KCNH6: variants seen among roughly 807,000 people sequenced by gnomAD.
The protein encoded by KCNH6 is voltage-gated inwardly rectifying potassium channel KCNH6.
A neutral mutation model predicts 83.4 loss-of-function variants in KCNH6; 81 were observed. The observed-to-expected ratio is 0.97, with a 90% confidence interval of 0.81 to 1.17. The LOEUF is 1.17. KCNH6 is among the 50% of genes most tolerant of loss of function. The probability of loss-of-function intolerance (pLI) is 0.00; values close to 1 mark genes in which losing one functional copy is unlikely to be tolerated. For synonymous variants in KCNH6, 503 were observed against 545.6 expected, an observed-to-expected ratio of 0.92 and a Z score of 1.09; for missense variants, 1,203 against 1,290.5, an observed-to-expected ratio of 0.93 and a Z score of 1.04.
rs1302706942 is a variant in KCNH6 at position 63,533,806 on chromosome 17, T to C, written c.676-80T>C. ...TCACCCACCCTCTCCCACTACACCTTCCCCAGGCCTCAGCCCTCTAGGCCA... is the reference window on the plus strand; with the variant it reads ...TCACCCACCCTCTCCCACTACACCTCCCCCAGGCCTCAGCCCTCTAGGCCA... On this transcript the variant is annotated intron_variant, in intron 4 of 12. Coordinates refer to ENST00000314672, the MANE Select transcript of KCNH6 (RefSeq NM_001278919.2). This position sits in a 1 kb window ranked among gnomAD's most constrained non-coding sequence, Gnocchi z 4.1. The C allele has an allele frequency of 7.2e-7, 1 of 1,387,354 alleles. No individual in the cohort carries two copies. Among genetic ancestry groups the C allele is most frequent in the Non-Finnish European group, 9.9e-7 (1 of 1,008,632 alleles). 85.9% of individuals were successfully genotyped at this position (1,387,354 alleles called of 1,614,324 possible).
In KCNH6 at chr17:63,545,663, C is replaced by A. The variant is rs2033109511; in HGVS notation, c.2638C>A (p.Pro880Thr). The A allele has an allele frequency of 6.2e-7, 1 of 1,613,930 alleles. No individual in the cohort carries two copies. Among genetic ancestry groups the A allele is most frequent in the South Asian group, 1.1e-5 (1 of 91,094 alleles). The change falls in exon 13 of 13, where the codon CCC becomes ACC. Residue 880 changes from proline to threonine, a missense_variant. Transcript: ENST00000314672. ...TAGTCCAAAGCACAGGAACTCCTCC[C>A]CCAGGATGCCTCACCTGGCTGTGGC... ...DCSPKHRNSS[P>T]RMPHLAVATD...
rs150426805 is a variant in KCNH6 at position 63,532,932 on chromosome 17, A to C, written c.676-954A>C. Reference sequence around the variant, plus strand: ...TCACTAACTACATGAGAAGAGATGCATCTCATTTCCTCACTACCCATGGCT... The same window carrying C: ...TCACTAACTACATGAGAAGAGATGCCTCTCATTTCCTCACTACCCATGGCT... On this transcript the variant is annotated intron_variant, in intron 4 of 12. Coordinates refer to ENST00000314672, the MANE Select transcript of KCNH6 (RefSeq NM_001278919.2). Among the ~76,000 whole-genome samples, 741 of 152,300 alleles carry C rather than the reference A, an allele frequency of 4.9e-3. 5 individuals are homozygous for C. The highest frequency in any genetic ancestry group is 0.017 in the African/African-American group (693 of 41,562).
chr17:63,529,455 T>C (rs2031934711), intron 2 of KCNH6, among the ~76,000 whole-genome samples: 1 of 152,206 alleles, frequency 6.6e-6, no homozygotes, highest in Non-Finnish European at 1.5e-5. Context: ...CCTTCCCTTT[T>C]CCAAGCTATT....
chr17:63,542,181 AC>A (rs1416205062), intron 8 of KCNH6, 59 bp from the exon 9 acceptor site: 19 of 1,564,754 alleles, frequency 1.2e-5, no homozygotes, highest in Non-Finnish European at 1.3e-5. Context: ...CGGTCAAAGG[AC>A]CCTCATAAGG....
Position 63,535,588 on chromosome 17 carries a change from G to A in KCNH6, c.1102-81G>A. ...TTGTTGAATGAGTATGTGGTTGTATGCATGAGTGAACAAAAGCAGGCCTGA... is the reference window on the plus strand; with the variant it reads ...TTGTTGAATGAGTATGTGGTTGTATACATGAGTGAACAAAAGCAGGCCTGA... On this transcript the variant is annotated intron_variant, in intron 5 of 12. Coordinates refer to ENST00000314672, the MANE Select transcript of KCNH6 (RefSeq NM_001278919.2). The surrounding 1 kb of genome is among the most constrained non-coding windows in gnomAD (Gnocchi z 4.9). 2 of 1,319,974 alleles carry A rather than the reference G, an allele frequency of 1.5e-6. No individual in the cohort carries two copies. Among genetic ancestry groups the A allele is most frequent in the South Asian group, 2.8e-5 (2 of 72,126 alleles). The allele number at this position is 1,319,974 out of a possible 1,614,324, so 81.8% of individuals were successfully genotyped here. A position where few individuals can be genotyped will look rare whatever the true frequency, so the allele number is the denominator to read the frequency against.
At chr17:63,529,286 C>T (rs561702676) in intron 2 of KCNH6, among the ~76,000 whole-genome samples, 1 of 152,308 alleles carries the variant, frequency 6.6e-6, no homozygotes, top group Non-Finnish European at 1.5e-5. Flanking sequence ...GCCAGAGGGG[C>T]CTGCCCTGCC....
rs1455493906 is a variant in KCNH6 at position 63,538,267 on chromosome 17, G to A, written c.1701+3G>A. ...CCAATGGCATTGACATGAACGCGGT[G>A]AGCCCCGCCGCTCCGGCTAATGCCC... is the stretch of plus-strand genomic sequence containing the variant. On this transcript the variant is annotated splice_donor_region_variant and intron_variant, in intron 7 of 12. Transcript: ENST00000314672. The surrounding 1 kb of genome is among the most constrained non-coding windows in gnomAD (Gnocchi z 4.0). 5 of 1,612,046 alleles carry A rather than the reference G, an allele frequency of 3.1e-6. No homozygotes were observed. The South Asian group carries it at 4.4e-5, about 14-fold the overall frequency.
rs772887501 is a variant in KCNH6 at position 63,523,640 on chromosome 17, TCTC to T, written c.76+156_76+158del. 7.7e-6 allele frequency: 5 copies of T among 651,064 alleles called. No homozygotes were observed. Among genetic ancestry groups the T allele is most frequent in the Non-Finnish European group, 1.0e-5 (4 of 395,370 alleles). 40.3% of individuals were successfully genotyped at this position (651,064 alleles called of 1,614,324 possible). ...CCTTCTTTTGATGTCCCCAACACCT[TCTC>T]CTCCAGGGGGACCCGCTTGCCTTAA... is the stretch of plus-strand genomic sequence containing the variant. On this transcript the variant is annotated intron_variant, in intron 1 of 12. Transcript: ENST00000314672. This position sits in a 1 kb window ranked among gnomAD's most constrained non-coding sequence, Gnocchi z 4.2.
chr17:63,535,738 G>T lies in KCNH6; in HGVS notation c.1171G>T (p.Asp391Tyr). The part of the protein sequence containing the change: ...LRLVRVARKL[D>Y]RYSEYGAAVL... ...GCTGGTGCGCGTAGCACGGAAGCTG[G>T]ACCGCTACTCTGAGTATGGGGCGGC... is the stretch of plus-strand genomic sequence containing the variant. The change falls in exon 6 of 13, where the codon GAC (aspartate) becomes TAC (tyrosine). Residue 391 changes from aspartate to tyrosine, a missense_variant. Transcript: ENST00000314672. This position sits in a 1 kb window ranked among gnomAD's most constrained non-coding sequence, Gnocchi z 4.9. 6.2e-7 allele frequency: 1 copy of T among 1,613,824 alleles called. No individual in the cohort carries two copies. The highest frequency in any genetic ancestry group is 2.2e-5 in the East Asian group (1 of 44,888).
chr17:63,534,173 C>T lies in KCNH6; in HGVS notation c.963C>T (p.Thr321=). 6.2e-7 allele frequency: 1 copy of T among 1,613,976 alleles called. No homozygotes were observed. Residue 321 remains threonine (T), a synonymous_variant, in exon 5 of 13, where the codon ACC becomes ACT. Transcript: ENST00000314672. The surrounding 1 kb of genome is among the most constrained non-coding windows in gnomAD (Gnocchi z 5.0). The stretch of plus-strand genomic sequence containing the variant: ...TGGACATCGTCATCAACTTCCGCAC[C>T]ACCTATGTCAACACCAATGATGAGG... ...FVVDIVINFR[T]TYVNTNDEVV...
At chr17:63,528,829 TTTTG>T (rs61588369) in intron 2 of KCNH6, among the ~76,000 whole-genome samples, 20 of 150,590 alleles carry the variant, frequency 1.3e-4, no homozygotes, top group Admixed American at 5.3e-4. Flanking sequence ...GTATGGGGTA[TTTTG>T]TTTGTTTGTT....
rs1270955050 is a variant in KCNH6 at position 63,538,238 on chromosome 17, T to A, written c.1675T>A (p.Tyr559Asn). Residue 559 changes from tyrosine (Y) to asparagine (N), a missense_variant, in exon 7 of 13, where the codon TAC (tyrosine) becomes AAC (asparagine). Tyr to Asn is a moderately radical substitution (Grantham distance 143). Coordinates refer to ENST00000314672, the MANE Select transcript of KCNH6 (RefSeq NM_001278919.2). This position sits in a 1 kb window ranked among gnomAD's most constrained non-coding sequence, Gnocchi z 4.0. ...GGAGTATTTCCAGCACGCCTGGTCC[T>A]ACACCAATGGCATTGACATGAACGC... ...LEEYFQHAWS[Y>N]TNGIDMNAVL... The A allele has an allele frequency of 6.2e-7, 1 of 1,614,126 alleles. No homozygotes were observed. The highest frequency in any genetic ancestry group is 1.7e-5 in the Admixed American group (1 of 60,030).
chr17:63,538,228 C>A lies in KCNH6; in HGVS notation c.1665C>A (p.His555Gln), dbSNP rs1435421611. 1.9e-6 allele frequency: 3 copies of A among 1,614,190 alleles called. No individual in the cohort carries two copies. In the East Asian group the frequency reaches 6.7e-5, roughly 36 times the overall value. Residue 555 changes from histidine to glutamine, a missense_variant, in exon 7 of 13, where the codon CAC becomes CAA. Coordinates refer to ENST00000314672, the MANE Select transcript of KCNH6 (RefSeq NM_001278919.2). This position sits in a 1 kb window ranked among gnomAD's most constrained non-coding sequence, Gnocchi z 4.0. The stretch of plus-strand genomic sequence containing the variant: ...AGCGCCTGGAGGAGTATTTCCAGCA[C>A]GCCTGGTCCTACACCAATGGCATTG... ...LRQRLEEYFQ[H>Q]AWSYTNGIDM... is the part of the protein sequence containing the mutation.
At chr17:63,543,525 G>A (rs1330059417) in intron 9 of KCNH6, 51 bp from the exon 10 acceptor site, 1 of 1,128,012 alleles carries the variant, frequency 8.9e-7, no homozygotes, top group Admixed American at 1.7e-5. Context: ...GAACAAAGAG[G>A]CCCCATCCCA....
Position 63,523,596 on chromosome 17 carries a change from C to A in KCNH6, c.76+107C>A. The A allele has an allele frequency of 1.0e-6, 1 of 994,580 alleles. No individual in the cohort carries two copies. Among genetic ancestry groups the A allele is most frequent in the Non-Finnish European group, 1.4e-6 (1 of 690,666 alleles). 61.6% of individuals were successfully genotyped at this position (994,580 alleles called of 1,614,324 possible). A position where few individuals can be genotyped will look rare whatever the true frequency, so the allele number is the denominator to read the frequency against. On this transcript the variant is annotated intron_variant, in intron 1 of 12. Transcript: ENST00000314672. The surrounding 1 kb of genome is among the most constrained non-coding windows in gnomAD (Gnocchi z 4.2). Reference sequence around the variant, plus strand: ...TCTAACCGGGCAAGGTGGTGAGTGCCGGGTGCTGAATGAAAAATCCTTCTT... The same window carrying A: ...TCTAACCGGGCAAGGTGGTGAGTGCAGGGTGCTGAATGAAAAATCCTTCTT...
intron 10 of KCNH6, chr17:63,543,981 A>T: frequency 7.9e-7 from 1 of 1,260,898 alleles, no homozygotes; most frequent in Non-Finnish European, 1.1e-6. Context: ...CTGGGCAGTG[A>T]AACCAGTGCT....
chr17:63,531,348 T>G (rs547029653), intron 4 of KCNH6, among the ~76,000 whole-genome samples: 1 of 152,208 alleles, frequency 6.6e-6, no homozygotes, highest in Non-Finnish European at 1.5e-5. Flanking sequence ...AGGAGAGAGA[T>G]GGACTAAATG....
intron 6 of KCNH6, among the ~76,000 whole-genome samples, chr17:63,537,218 A>G (rs551506890): frequency 1.6e-4 from 24 of 152,290 alleles, no homozygotes; most frequent in Non-Finnish European, 3.4e-4. Flanking sequence ...ATCCCAGCCC[A>G]GGGGTTCAGC....
rs762642139 is a variant in KCNH6 at position 63,536,080 on chromosome 17, C to G, written c.1501+12C>G. 2 of 1,609,878 alleles carry G rather than the reference C, an allele frequency of 1.2e-6. No homozygotes were observed. The highest frequency in any genetic ancestry group is 2.2e-5 in the South Asian group (2 of 90,804). ...CATGCTCATCGGCTGTGAGTGAGAC[C>G]TCATGCCACGGCCTAACTTCATGCT... On this transcript the variant is annotated intron_variant, in intron 6 of 12. Transcript: ENST00000314672.
Sources: allele counts gnomAD v4.1 joint callset (sites outside exome capture counted in the v4.1 genomes callset), GRCh38; gene constraint gnomAD v4.1.1; non-coding constraint Gnocchi (gnomAD v3.1); transcripts MANE v1.5; gene names NCBI Gene and HGNC (gene_info 2026-07-23, HGNC 2026-07-21).